The following PRKG1 variants were observed in gnomAD, a reference collection of about 807,000 sequenced individuals.
The protein encoded by PRKG1 is cGMP-dependent protein kinase 1.
A neutral mutation model predicts 88.1 loss-of-function variants in PRKG1; 35 were observed. The ratio of observed to expected loss-of-function variants is 0.40; its 90% CI spans 0.30 to 0.53. The LOEUF (loss-of-function observed/expected upper bound fraction) is 0.53, where lower values mean the gene tolerates loss of function less well. Among genes scored for constraint, PRKG1 ranks in the 20% least tolerant of loss-of-function variants. The pLI is 0.59. For missense variants in PRKG1, 540 were observed against 839.8 expected, an observed-to-expected ratio of 0.64 and a Z score of 4.41; for synonymous variants, 303 against 292.5, an observed-to-expected ratio of 1.04 and a Z score of -0.37.
At chr10:51,554,346 CAT>C (rs1391078238) in intron 3 of PRKG1, among the ~76,000 whole-genome samples, 4 of 144,318 alleles carry the variant, frequency 2.8e-5, no homozygotes, top group African/African-American at 7.5e-5. Flanking sequence ...ATTATATACA[CAT>C]ATATAATATA....
intron 1 of PRKG1, among the ~76,000 whole-genome samples, chr10:51,148,551 C>T (rs1845993629): frequency 6.6e-6 from 1 of 152,036 alleles, no homozygotes. Context: ...TTGCCTGTGA[C>T]CTGACTGAGG....
chr10:52,167,316 A>G (rs375359559), intron 9 of PRKG1, among the ~76,000 whole-genome samples: 12 of 152,080 alleles, frequency 7.9e-5, no homozygotes, highest in African/African-American at 2.7e-4. Flanking sequence ...CTCACTTATT[A>G]TCATGGGGAT....
intron 5 of PRKG1, among the ~76,000 whole-genome samples, chr10:51,968,290 G>A (rs1475611091): frequency 6.6e-6 from 1 of 152,014 alleles, no homozygotes; most frequent in African/African-American, 2.4e-5. Context: ...TACTTCTTTG[G>A]CAAGCCAGAT....
At chr10:52,125,565 C>T (rs927915334) in intron 7 of PRKG1, among the ~76,000 whole-genome samples, 2 of 152,092 alleles carry the variant, frequency 1.3e-5, no homozygotes, top group Admixed American at 6.6e-5. Context: ...ATATGGAACC[C>T]GATTGCCCTC....
Position 51,663,633 on chromosome 10 carries a change from C to T in PRKG1, c.593-140952C>T, listed in dbSNP as rs529000039. Among the ~76,000 whole-genome samples, 8 of 146,532 alleles carry T rather than the reference C, an allele frequency of 5.5e-5. No homozygotes were observed. In the South Asian group the frequency reaches 1.7e-3, roughly 32 times the overall value. ...TCTGGAGGCTGAGGTGACAGGATCA[C>T]TTGAGCGCAGAAGTTTGAGGTTGCA... On this transcript the variant is annotated intron_variant, in intron 3 of 17. Coordinates refer to ENST00000373980, the MANE Select transcript of PRKG1 (RefSeq NM_006258.4).
intron 9 of PRKG1, among the ~76,000 whole-genome samples, chr10:52,223,301 T>C (rs1484393136): frequency 6.6e-6 from 1 of 151,534 alleles, no homozygotes; most frequent in Non-Finnish European, 1.5e-5. Context: ...CTCCGACTTC[T>C]GAAATTCAAG....
At chr10:51,497,446 GA>G (rs35518499) in intron 3 of PRKG1, among the ~76,000 whole-genome samples, 1 of 151,964 alleles carries the variant, frequency 6.6e-6, no homozygotes, top group Non-Finnish European at 1.5e-5. Flanking sequence ...TCTAGTGGGA[GA>G]AAAAAAGATT....
At chr10:51,604,725 G>T (rs776348040) in intron 3 of PRKG1, among the ~76,000 whole-genome samples, 25 of 152,212 alleles carry the variant, frequency 1.6e-4, no homozygotes, top group Non-Finnish European at 3.1e-4. Context: ...CAAAACCCTA[G>T]GGGGAGCATG....
At chr10:52,272,872 C>T (rs1841769187) in intron 12 of PRKG1, among the ~76,000 whole-genome samples, 1 of 151,852 alleles carries the variant, frequency 6.6e-6, no homozygotes, top group Non-Finnish European at 1.5e-5. Context: ...ACTCTTTTTC[C>T]AGATAGGCAG....
intron 2 of PRKG1, among the ~76,000 whole-genome samples, chr10:51,361,905 T>G (rs186809357): frequency 6.6e-6 from 1 of 152,016 alleles, no homozygotes; most frequent in Non-Finnish European, 1.5e-5. Context: ...CAAATTTTCT[T>G]GTAAGCTAGA....
At chr10:51,867,429 G>A (rs1239723724) in intron 4 of PRKG1, among the ~76,000 whole-genome samples, 2 of 152,058 alleles carry the variant, frequency 1.3e-5, no homozygotes. Flanking sequence ...ATGGAAGGAG[G>A]GGAGAGGAAT....
intron 1 of PRKG1, among the ~76,000 whole-genome samples, chr10:51,114,813 T>C (rs963289798): frequency 2.0e-5 from 3 of 152,176 alleles, no homozygotes; most frequent in African/African-American, 2.4e-5. Flanking sequence ...TTTCTACAAA[T>C]GACTTGGAGC....
At position 51,686,381 on chromosome 10, in the gene PRKG1, G is replaced by T. The variant is rs529904505; in HGVS notation, c.593-118204G>T. Among the ~76,000 whole-genome samples the T allele has an allele frequency of 9.2e-5, 14 of 152,206 alleles. No individual in the cohort carries two copies. The South Asian group carries it at 2.9e-3, about 32-fold the overall frequency. Reference sequence around the variant, plus strand: ...TCTCGTTCGGCTCCCCCTTATAAGTGAGAACATGCAGGATATGGTTTTCTG... The same window carrying T: ...TCTCGTTCGGCTCCCCCTTATAAGTTAGAACATGCAGGATATGGTTTTCTG... On this transcript the variant is annotated intron_variant, in intron 3 of 17. Transcript: ENST00000373980.
intron 2 of PRKG1, among the ~76,000 whole-genome samples, chr10:51,434,360 C>A (rs967830323): frequency 6.6e-6 from 1 of 152,030 alleles, no homozygotes; most frequent in African/African-American, 2.4e-5. Context: ...GCAAACTGCA[C>A]CTTAAGAAAA....
At chr10:50,997,410 T>G (rs1842847096) in intron 1 of PRKG1, among the ~76,000 whole-genome samples, 1 of 152,182 alleles carries the variant, frequency 6.6e-6, no homozygotes, top group Non-Finnish European at 1.5e-5. Flanking sequence ...AATTTGACCC[T>G]CATGAAACTA....
At chr10:51,868,052 G>A (rs1036111133) in intron 4 of PRKG1, among the ~76,000 whole-genome samples, 1 of 152,132 alleles carries the variant, frequency 6.6e-6, no homozygotes, top group Non-Finnish European at 1.5e-5. Context: ...CTGGTGCTTA[G>A]GTAATGTTGT....
intron 2 of PRKG1, among the ~76,000 whole-genome samples, chr10:51,368,250 C>T (rs1259347563): frequency 6.6e-6 from 1 of 151,998 alleles, no homozygotes; most frequent in East Asian, 1.9e-4. Context: ...AGCATGCAGT[C>T]TTCAGGTCTG....
intron 3 of PRKG1, among the ~76,000 whole-genome samples, chr10:51,747,837 T>G (rs1837619795): frequency 6.6e-6 from 1 of 152,140 alleles, no homozygotes; most frequent in African/African-American, 2.4e-5. Flanking sequence ...TGGCGCAATC[T>G]TGGCTCACTG....
chr10:51,588,389 G>A (rs944570944), intron 3 of PRKG1, among the ~76,000 whole-genome samples: 3 of 152,038 alleles, frequency 2.0e-5, no homozygotes, highest in Admixed American at 6.6e-5. Context: ...AGTTTTAAAC[G>A]CAATTTCCTG....
Sources: gnomAD v4.1 joint callset for allele counts (sites outside exome capture counted in the v4.1 genomes callset) on GRCh38, gnomAD v4.1.1 for gene constraint, MANE v1.5 for transcripts, NCBI Gene and HGNC (gene_info 2026-07-23, HGNC 2026-07-21) for gene names.